Variants in NCAPD3 observed in about 807,000 individuals in gnomAD.
The protein encoded by NCAPD3 is non-SMC condensin II complex subunit D3.
Under a neutral mutation model 182.9 loss-of-function variants are expected in NCAPD3, and 105 were observed. The ratio of observed to expected loss-of-function variants is 0.57; its 90% confidence interval spans 0.49 to 0.68. NCAPD3 has a LOEUF of 0.68. NCAPD3 is among the 30% of genes least tolerant of loss of function. NCAPD3 has a pLI of 0.00. For missense variants in NCAPD3, 1,944 were observed against 1,837.0 expected, an observed-to-expected ratio of 1.06 and a Z score of -1.07; for synonymous variants, 815 against 679.9, an observed-to-expected ratio of 1.20 and a Z score of -3.09.
chr11:134,194,806 C>A, intron 13 of NCAPD3, 68 bp from the exon 14 acceptor site: 2 of 1,025,960 alleles, frequency 1.9e-6, no homozygotes, highest in South Asian at 1.4e-5. Context: ...CATTTCACCA[C>A]ACAATACCCA....
chr11:134,164,678 A>G (rs118039763), intron 27 of NCAPD3, among the ~76,000 whole-genome samples: 3,334 of 150,674 alleles, frequency 0.022, 67 homozygotes, highest in Non-Finnish European at 0.031. Context: ...GGGGAGCTGC[A>G]CACTCACTTG....
chr11:134,158,529 A>G, intron 29 of NCAPD3, 34 bp from the exon 30 acceptor site: 1 of 1,594,410 alleles, frequency 6.3e-7, no homozygotes, highest in Non-Finnish European at 8.6e-7. Flanking sequence ...GTACATTCTA[A>G]TACTTTTTAA....
At chr11:134,210,866 C>T (rs920270286) in intron 3 of NCAPD3, among the ~76,000 whole-genome samples, 1 of 152,148 alleles carries the variant, frequency 6.6e-6, no homozygotes, top group Non-Finnish European at 1.5e-5. Flanking sequence ...ATGGTAAATC[C>T]ACACAAATTA....
intron 28 of NCAPD3, among the ~76,000 whole-genome samples, chr11:134,161,364 G>T (rs930875630): frequency 2.6e-5 from 4 of 152,190 alleles, no homozygotes; most frequent in Non-Finnish European, 5.9e-5. Context: ...GGCAGCTCCT[G>T]CAGGGCAGTT....
At chr11:134,198,173 T>C (rs1322860611) in intron 13 of NCAPD3, among the ~76,000 whole-genome samples, 1 of 152,162 alleles carries the variant, frequency 6.6e-6, no homozygotes, top group Non-Finnish European at 1.5e-5. Flanking sequence ...AGCATTAACA[T>C]CAACACAGTC....
At position 134,207,742 on chromosome 11, in the gene NCAPD3, C is replaced by CAAAA. The variant is rs34965902; in HGVS notation, c.883-1014_883-1011dup. ...CTGGTGTCAGAGCGAGACTGCGTCT[C>CAAAA]AAAAAAAAAAAAAAAAAAAAAAAAA... is the stretch of plus-strand genomic sequence containing the variant. On this transcript the variant is annotated intron_variant, in intron 7 of 34. Transcript: ENST00000534548. 3.7e-3 allele frequency among the ~76,000 whole-genome samples: 229 copies of CAAAA among 62,080 alleles called. 5 individuals carry two copies. Among genetic ancestry groups the CAAAA allele is most frequent in the African/African-American group, 0.011 (197 of 17,494 alleles). 40.7% of individuals were successfully genotyped at this position (62,080 alleles called of 152,430 possible). A position where few individuals can be genotyped will look rare whatever the true frequency, so the allele number is the denominator to read the frequency against.
At position 134,218,341 on chromosome 11, in the gene NCAPD3, G is replaced by A. The variant is rs143666294; in HGVS notation, c.220-1243C>T. Among the ~76,000 whole-genome samples the A allele has an allele frequency of 4.9e-4, 74 of 152,188 alleles. 1 individual carries two copies. Among genetic ancestry groups the A allele is most frequent in the African/African-American group, 1.6e-3 (66 of 41,524 alleles). On this transcript the variant is annotated intron_variant, in intron 2 of 34. Transcript: ENST00000534548. ...ATGTGACTGCTCCTCTGCAGACCCC[G>A]TCCAATCAGCTCTCCATTTCTGTCC... is the stretch of plus-strand genomic sequence containing the variant.
chr11:134,167,446 G>T (rs141013205), intron 27 of NCAPD3, among the ~76,000 whole-genome samples: 61 of 84,870 alleles, frequency 7.2e-4, no homozygotes, highest in South Asian at 2.0e-3. Flanking sequence ...ACTCGTGAGA[G>T]GAGCTTAGGG....
intron 32 of NCAPD3, chr11:134,153,587 C>T: frequency 1.7e-6 from 1 of 579,140 alleles, no homozygotes; most frequent in South Asian, 2.0e-5. Flanking sequence ...AGCCCTCAGG[C>T]ACTCGGCTGG....
At chr11:134,224,203 A>G (rs1459197546), upstream of NCAPD3, 1 of 552,848 alleles carries the variant, frequency 1.8e-6, no homozygotes, top group Non-Finnish European at 3.2e-6. Context: ...AAACCCTAAC[A>G]GCGTTTTTCC....
intron 13 of NCAPD3, among the ~76,000 whole-genome samples, chr11:134,200,747 C>CCA (rs1944730312): frequency 6.6e-6 from 1 of 152,142 alleles, no homozygotes; most frequent in South Asian, 2.1e-4. Context: ...GGGAATGAAA[C>CCA]CACACATCTA....
At chr11:134,217,194 A>G in intron 2 of NCAPD3, 96 bp from the exon 3 acceptor site, 1 of 1,159,456 alleles carries the variant, frequency 8.6e-7, no homozygotes, top group Non-Finnish European at 1.2e-6. Flanking sequence ...CCTTACAAAA[A>G]GAGGAATAGA....
Position 134,176,300 on chromosome 11 carries a change from G to GA in NCAPD3, c.3101+6dup. The GA allele has an allele frequency of 3.1e-6, 5 of 1,612,188 alleles. No homozygotes were observed. The highest frequency in any genetic ancestry group is 4.2e-6 in the Non-Finnish European group (5 of 1,178,212). On this transcript the variant is annotated splice_region_variant and intron_variant, in intron 24 of 34. Coordinates refer to ENST00000534548, the MANE Select transcript of NCAPD3 (RefSeq NM_015261.3). ...GTTGAGTCGTCTGACGTGAGGAAAA[G>GA]ATTTACCTGGCAATGTCTGGGTGTG...
intron 29 of NCAPD3, among the ~76,000 whole-genome samples, chr11:134,159,393 T>C (rs570101004): frequency 6.6e-6 from 1 of 152,298 alleles, no homozygotes; most frequent in African/African-American, 2.4e-5. Context: ...CCTGGGTAAG[T>C]TGAATTTCCT....
At chr11:134,187,570 T>G (rs1565541249) in intron 16 of NCAPD3, among the ~76,000 whole-genome samples, 1 of 152,224 alleles carries the variant, frequency 6.6e-6, no homozygotes, top group Non-Finnish European at 1.5e-5. Flanking sequence ...GACTATTTCC[T>G]TTCTGGTAAC....
At chr11:134,160,202 A>G (rs1943538995) in intron 28 of NCAPD3, 128 bp from the exon 29 acceptor site, 1 of 912,884 alleles carries the variant, frequency 1.1e-6, no homozygotes, top group Non-Finnish European at 1.6e-6. Flanking sequence ...TGAACGCAAA[A>G]TAAAAGTTAA....
At chr11:134,195,529 T>C (rs779852341) in intron 13 of NCAPD3, among the ~76,000 whole-genome samples, 1 of 152,106 alleles carries the variant, frequency 6.6e-6, no homozygotes, top group Admixed American at 6.5e-5. Flanking sequence ...GAGCAAGATA[T>C]GTTACTGTTA....
intron 22 of NCAPD3, 102 bp from the exon 23 acceptor site, chr11:134,177,559 A>C (rs1944200259): frequency 1.0e-6 from 1 of 982,474 alleles, no homozygotes; most frequent in Admixed American, 2.3e-5. Flanking sequence ...TATTTCATCA[A>C]AGTTAAAACA....
In NCAPD3 at chr11:134,168,204, C is replaced by G. The variant is rs1401323367; in HGVS notation, c.3374-9G>C. 3.1e-6 allele frequency: 5 copies of G among 1,612,222 alleles called. No homozygotes were observed. The highest frequency in any genetic ancestry group is 3.4e-6 in the Non-Finnish European group (4 of 1,178,424). ...GCCATCAGCAAAGCACGCTGAGAGA[C>G]AGAGAGAGAGAAAAACGTGAGCTTC... is the stretch of plus-strand genomic sequence containing the variant. On this transcript the variant is annotated splice_polypyrimidine_tract_variant and intron_variant, in intron 26 of 34. Transcript: ENST00000534548.
Sources: allele counts gnomAD v4.1 joint callset (sites outside exome capture counted in the v4.1 genomes callset), GRCh38; gene constraint gnomAD v4.1.1; transcripts MANE v1.5; gene names NCBI Gene and HGNC (gene_info 2026-07-23, HGNC 2026-07-21).